Variants in TMEM132B observed in about 807,000 individuals in gnomAD.
The protein encoded by TMEM132B is transmembrane protein 132B.
A neutral mutation model predicts 90.8 loss-of-function variants in TMEM132B; 18 were observed. The ratio of observed to expected loss-of-function variants is 0.20; its 90% confidence interval spans 0.14 to 0.29. The LOEUF (loss-of-function observed/expected upper bound fraction) is 0.29. Ranked by LOEUF, TMEM132B falls within the 10% of genes least tolerant of loss-of-function variation. The pLI, the probability that TMEM132B is intolerant of heterozygous loss-of-function variation, is 1.00. For synonymous variants in TMEM132B, 504 were observed against 523.3 expected (o/e 0.96, Z 0.50); for missense variants, 1,096 against 1,326.8 (o/e 0.83, Z 2.70).
chr12:125,506,261 C>T (rs757254847), intron 3 of TMEM132B, among the ~76,000 whole-genome samples: 5 of 152,136 alleles, frequency 3.3e-5, no homozygotes, highest in African/African-American at 7.2e-5. Flanking sequence ...TGAAAGAAGC[C>T]GGATACAAAT....
intron 1 of TMEM132B, among the ~76,000 whole-genome samples, chr12:125,269,751 G>A (rs1025025760): frequency 1.3e-5 from 2 of 152,092 alleles, no homozygotes; most frequent in East Asian, 1.9e-4. Flanking sequence ...TAAGCAAGAC[G>A]GAAGTGTATT....
intron 1 of TMEM132B, among the ~76,000 whole-genome samples, chr12:125,318,873 T>A (rs1876352474): frequency 6.6e-6 from 1 of 152,248 alleles, no homozygotes; most frequent in African/African-American, 2.4e-5. Flanking sequence ...AAATATTACA[T>A]AATCAATTAA....
At chr12:125,427,827 T>C (rs958824934) in intron 3 of TMEM132B, among the ~76,000 whole-genome samples, 2 of 152,210 alleles carry the variant, frequency 1.3e-5, no homozygotes, top group African/African-American at 2.4e-5. Context: ...GATTTAACTT[T>C]TGTGATTTCC....
rs565787176 is a variant in TMEM132B, at chr12:125,283,088, G to A, written c.68-66364G>A. Reference sequence around the variant, plus strand: ...CACTTTAGGCAGCAGCTGTGTTCGCGCACAACTGTATGCAATTTCAATTTG... The same window carrying A: ...CACTTTAGGCAGCAGCTGTGTTCGCACACAACTGTATGCAATTTCAATTTG... On this transcript the variant is annotated intron_variant, in intron 1 of 8. Transcript: ENST00000682704. Among the ~76,000 whole-genome samples, 86 of 152,210 alleles carry A rather than the reference G, an allele frequency of 5.7e-4. 1 individual carries two copies. The highest frequency in any genetic ancestry group is 2.0e-3 in the African/African-American group (83 of 41,530).
chr12:125,574,750 A>G (rs887702181), intron 4 of TMEM132B, among the ~76,000 whole-genome samples: 1 of 151,836 alleles, frequency 6.6e-6, no homozygotes, highest in Admixed American at 6.6e-5. Flanking sequence ...TACTTCTTGG[A>G]GTTTATATTC....
intron 5 of TMEM132B, among the ~76,000 whole-genome samples, chr12:125,640,169 C>A (rs1443059428): frequency 6.6e-6 from 1 of 152,216 alleles, no homozygotes; most frequent in African/African-American, 2.4e-5. Context: ...GCCCCAGTAG[C>A]CTTCTCACAG....
At chr12:125,630,390 G>T (rs890162316) in intron 5 of TMEM132B, among the ~76,000 whole-genome samples, 2 of 151,864 alleles carry the variant, frequency 1.3e-5, no homozygotes, top group Non-Finnish European at 2.9e-5. Context: ...CTAGGAATTT[G>T]TCCATTTCTT....
intron 1 of TMEM132B, among the ~76,000 whole-genome samples, chr12:125,211,663 C>T (rs534931822): frequency 1.6e-4 from 24 of 152,350 alleles, no homozygotes; most frequent in African/African-American, 5.8e-4. Flanking sequence ...TGCGACCGCC[C>T]TCATTCCTTC....
rs1592965232 is a variant in TMEM132B, at chr12:125,512,543, T to C, written c.1107-6896T>C. The stretch of plus-strand genomic sequence containing the variant: ...TATGCCCAGTTGGCACAGTCCTAGA[T>C]TTTTTTTAAAGTTCTGTGTAGCAAT... On this transcript the variant is annotated intron_variant, in intron 3 of 8. Coordinates refer to ENST00000682704, the MANE Select transcript of TMEM132B (RefSeq NM_001366854.1). Among the ~76,000 whole-genome samples, 3 of 152,114 alleles carry C rather than the reference T, an allele frequency of 2.0e-5. No individual in the cohort carries two copies. In the South Asian group the frequency reaches 6.2e-4, roughly 32 times the overall value.
At chr12:125,228,660 G>GGGTT (rs1203147952) in intron 1 of TMEM132B, among the ~76,000 whole-genome samples, 2 of 152,190 alleles carry the variant, frequency 1.3e-5, no homozygotes, top group Non-Finnish European at 2.9e-5. Context: ...GGTGCATGGA[G>GGGTT]GGTTGGATCG....
At position 125,653,728 on chromosome 12, in the gene TMEM132B, G is replaced by A. The variant is rs759423179; in HGVS notation, c.2270G>A (p.Gly757Asp). 24 of 1,614,176 alleles carry A rather than the reference G, an allele frequency of 1.5e-5. No homozygotes were observed. The highest frequency in any genetic ancestry group is 2.0e-5 in the Non-Finnish European group (24 of 1,180,024). Residue 757 changes from glycine (G) to aspartate (D), a missense_variant, in exon 9 of 9, where the codon GGT becomes GAT. By Grantham distance (94) the Gly-to-Asp change is moderately conservative. Coordinates refer to ENST00000682704, the MANE Select transcript of TMEM132B (RefSeq NM_001366854.1). Reference sequence around the variant, plus strand: ...AAATGGCCAATTGTGGTTGCAGAGGGTGAAGGACAAGGGCCTTTGATTAAG... The same window carrying A: ...AAATGGCCAATTGTGGTTGCAGAGGATGAAGGACAAGGGCCTTTGATTAAG... ...ESKWPIVVAE[G>D]EGQGPLIKLE... is the part of the protein sequence containing the mutation.
intron 2 of TMEM132B, among the ~76,000 whole-genome samples, chr12:125,403,755 G>A (rs1229268060): frequency 1.3e-5 from 2 of 152,168 alleles, no homozygotes; most frequent in Admixed American, 1.3e-4. Flanking sequence ...GTTGTAACTT[G>A]AATTTCCTTT....
In TMEM132B at chr12:125,326,431, A is replaced by G. The variant is rs1164117287; in HGVS notation, c.68-23021A>G. Reference sequence around the variant, plus strand: ...AAAAAGTCACTTGCCCTCCTTGTTGACCTGTTTCCAATGAAGACAATATGA... The same window carrying G: ...AAAAAGTCACTTGCCCTCCTTGTTGGCCTGTTTCCAATGAAGACAATATGA... On this transcript the variant is annotated intron_variant, in intron 1 of 8. Coordinates refer to ENST00000682704, the MANE Select transcript of TMEM132B (RefSeq NM_001366854.1). The G allele has an allele frequency of 4.5e-6, 3 of 660,844 alleles. No homozygotes were observed. In the East Asian group the frequency reaches 8.4e-5, roughly 19 times the overall value. The allele number at this position is 660,844 out of a possible 1,614,324, so 40.9% of individuals were successfully genotyped here. A position where few individuals can be genotyped will look rare whatever the true frequency, so the allele number is the denominator to read the frequency against.
In TMEM132B at chr12:125,520,076, G is replaced by A. The variant is rs531466755; in HGVS notation, c.1293+451G>A. ...GCAGATGGACTGAAAGAGCCTTGCT[G>A]GGAACTGACCACTTTAAGCTGGGTA... On this transcript the variant is annotated intron_variant, in intron 4 of 8. Coordinates refer to ENST00000682704, the MANE Select transcript of TMEM132B (RefSeq NM_001366854.1). Among the ~76,000 whole-genome samples, 4 of 152,296 alleles carry A rather than the reference G, an allele frequency of 2.6e-5. No individual in the cohort carries two copies. In the South Asian group the frequency reaches 8.3e-4, roughly 32 times the overall value.
At position 125,611,379 on chromosome 12, in the gene TMEM132B, C is replaced by CT. The variant is rs529047849; in HGVS notation, c.1437+27386dup. ...AATTTTTGGTTTTGCTGATTTTTCT[C>CT]TATTTTTTTCTATGATATATTTCAT... is the stretch of plus-strand genomic sequence containing the variant. On this transcript the variant is annotated intron_variant, in intron 5 of 8. Transcript: ENST00000682704. Among the ~76,000 whole-genome samples, 25 of 151,024 alleles carry CT rather than the reference C, an allele frequency of 1.7e-4. No individual in the cohort carries two copies. The South Asian group carries it at 4.8e-3, about 29-fold the overall frequency.
chr12:125,413,936 G>A (rs1376071934), intron 2 of TMEM132B, among the ~76,000 whole-genome samples: 2 of 152,222 alleles, frequency 1.3e-5, no homozygotes, highest in Admixed American at 1.3e-4. Context: ...CACAGTGGTT[G>A]TACCACTTTA....
rs143048216 is a variant in TMEM132B at position 125,520,507 on chromosome 12, C to T, written c.1293+882C>T. ...AATTAATTCTGCCATCCCCGAATCTCGAGTGTCTCAAGTGCGTTGAATGTG... is the reference window on the plus strand; with the variant it reads ...AATTAATTCTGCCATCCCCGAATCTTGAGTGTCTCAAGTGCGTTGAATGTG... On this transcript the variant is annotated intron_variant, in intron 4 of 8. Coordinates refer to ENST00000682704, the MANE Select transcript of TMEM132B (RefSeq NM_001366854.1). Among the ~76,000 whole-genome samples, 987 of 151,354 alleles carry T rather than the reference C, an allele frequency of 6.5e-3. 9 individuals carry two copies. Among genetic ancestry groups the T allele is most frequent in the African/African-American group, 0.022 (911 of 41,062 alleles).
At chr12:125,260,634 G>A (rs943614641) in intron 1 of TMEM132B, among the ~76,000 whole-genome samples, 17 of 151,702 alleles carry the variant, frequency 1.1e-4, no homozygotes. Flanking sequence ...CACTGTGCCT[G>A]GTCAATATTT....
intron 1 of TMEM132B, among the ~76,000 whole-genome samples, chr12:125,341,668 T>A (rs935306692): frequency 2.6e-5 from 4 of 152,200 alleles, no homozygotes; most frequent in Non-Finnish European, 5.9e-5. Flanking sequence ...GTCCATGAAC[T>A]TTTTTCTACT....
Sources: allele counts gnomAD v4.1 joint callset (sites outside exome capture counted in the v4.1 genomes callset), GRCh38; gene constraint gnomAD v4.1.1; transcripts MANE v1.5; gene names NCBI Gene and HGNC (gene_info 2026-07-23, HGNC 2026-07-21).